TNKS2: variants seen among roughly 807,000 people sequenced by gnomAD.
The protein encoded by TNKS2 is tankyrase 2.
In TNKS2, 72 loss-of-function variants were observed where a neutral mutation model predicts 137.6. The ratio of observed to expected loss-of-function variants is 0.52; its 90% CI spans 0.43 to 0.64. The LOEUF (loss-of-function observed/expected upper bound fraction) is 0.64. Among genes scored for constraint, TNKS2 ranks in the 30% least tolerant of loss-of-function variants. The pLI is 0.00. For synonymous variants in TNKS2, 516 were observed against 512.1 expected (o/e 1.01, Z -0.10); for missense variants, 1,049 against 1,410.2 (o/e 0.74, Z 4.10).
At position 91,851,230 on chromosome 10, in the gene TNKS2, A is replaced by T; in HGVS notation, c.2709A>T (p.Val903=). Residue 903 remains valine, a synonymous_variant, in exon 21 of 27, where the codon GTA becomes GTT. Transcript: ENST00000371627. ...IFEREQITLD[V]LVEMGHKELK... ...TCTTTTGTAAGATCACTTTGGATGTATTAGTTGAGATGGGGCACAAGGAGC... is the reference window on the plus strand; with the variant it reads ...TCTTTTGTAAGATCACTTTGGATGTTTTAGTTGAGATGGGGCACAAGGAGC... 6.2e-7 allele frequency: 1 copy of T among 1,613,712 alleles called. No homozygotes were observed. Among genetic ancestry groups the T allele is most frequent in the East Asian group, 2.2e-5 (1 of 44,810 alleles).
At chr10:91,806,042 C>CTTTT (rs34004456) in intron 1 of TNKS2, among the ~76,000 whole-genome samples, 2 of 130,056 alleles carry the variant, frequency 1.5e-5, no homozygotes, top group African/African-American at 2.8e-5. Flanking sequence ...CATTCTTTCT[C>CTTTT]TTTTTTTTTT....
At chr10:91,821,195 G>A (rs765679720) in intron 6 of TNKS2, among the ~76,000 whole-genome samples, 100 of 152,152 alleles carry the variant, frequency 6.6e-4, no homozygotes, top group Admixed American at 9.8e-4. Flanking sequence ...ACACCACCAC[G>A]CCTGGCTAAT....
In TNKS2 at chr10:91,842,152, T is replaced by TC; in HGVS notation, c.1840-19dup. The TC allele has an allele frequency of 1.3e-6, 2 of 1,573,666 alleles. No homozygotes were observed. The highest frequency in any genetic ancestry group is 2.3e-5 in the South Asian group (2 of 87,834). ...CATTTAAGCCATTTCCCCCTTTTTT[T>TC]CTGTTTTTCACATGCCTAGCATGGT... On this transcript the variant is annotated intron_variant, in intron 15 of 26. Coordinates refer to ENST00000371627, the MANE Select transcript of TNKS2 (RefSeq NM_025235.4).
At position 91,842,320 on chromosome 10, in the gene TNKS2, A is replaced by T; in HGVS notation, c.1988A>T (p.Lys663Met). The change falls in exon 16 of 27, where the codon AAG (lysine) becomes ATG (methionine). Residue 663 changes from lysine (K) to methionine (M), a missense_variant. Around this residue, in one of 6 missense-constraint regions of TNKS2, gnomAD observed 328 missense variants for 436.0 expected, o/e 0.75. Coordinates refer to ENST00000371627, the MANE Select transcript of TNKS2 (RefSeq NM_025235.4). Reference protein sequence around the residue: ...AKKGCLARVKKLSSPDNVNCR... With the variant: ...AKKGCLARVKMLSSPDNVNCR... ...AAGGGTTGTTTAGCCAGAGTGAAGA[A>T]GTTGTCTTCTCCTGATAATGTAAAT... 6.2e-7 allele frequency: 1 copy of T among 1,614,164 alleles called. No homozygotes were observed. Among genetic ancestry groups the T allele is most frequent in the African/African-American group, 1.3e-5 (1 of 75,056 alleles).
intron 1 of TNKS2, among the ~76,000 whole-genome samples, chr10:91,799,535 A>T (rs568440655): frequency 6.6e-6 from 1 of 152,370 alleles, no homozygotes; most frequent in East Asian, 1.9e-4. Context: ...AAGTGGTAGT[A>T]TAAGAGAAAA....
At chr10:91,804,635 C>T (rs55649764) in intron 1 of TNKS2, among the ~76,000 whole-genome samples, 179 of 152,288 alleles carry the variant, frequency 1.2e-3, no homozygotes, top group Non-Finnish European at 2.1e-3. Flanking sequence ...AGAATATACC[C>T]TGCAGAGCAT....
At chr10:91,836,861 CT>C (rs763367034) in intron 12 of TNKS2, 57 bp from the exon 13 acceptor site, 3 of 1,567,612 alleles carry the variant, frequency 1.9e-6, no homozygotes, top group Non-Finnish European at 1.7e-6. Context: ...TTCCATAAAG[CT>C]TGGTTCCATC....
chr10:91,816,613 G>T (rs570756880), intron 2 of TNKS2, among the ~76,000 whole-genome samples: 16 of 151,628 alleles, frequency 1.1e-4, no homozygotes, highest in African/African-American at 3.9e-4. Flanking sequence ...TGACCTTACA[G>T]AATTTATTGA....
intron 21 of TNKS2, among the ~76,000 whole-genome samples, 160 bp downstream of exon 21, chr10:91,851,496 T>C (rs1271043410): frequency 6.6e-6 from 1 of 152,232 alleles, no homozygotes; most frequent in East Asian, 1.9e-4. Context: ...GCTGTGCTAC[T>C]GACTTAAACT....
intron 21 of TNKS2, among the ~76,000 whole-genome samples, chr10:91,852,645 G>A (rs924538544): frequency 2.6e-5 from 4 of 152,224 alleles, no homozygotes; most frequent in Non-Finnish European, 5.9e-5. Flanking sequence ...GATTTATCTT[G>A]GGGTCAAAAA....
intron 1 of TNKS2, among the ~76,000 whole-genome samples, chr10:91,811,916 C>T (rs1260983622): frequency 2.6e-5 from 4 of 152,032 alleles, no homozygotes; most frequent in Non-Finnish European, 5.9e-5. Flanking sequence ...AAAAATTAGC[C>T]AAGCATGGTG....
At chr10:91,813,403 A>T (rs1001741159) in intron 2 of TNKS2, among the ~76,000 whole-genome samples, 196 bp downstream of exon 2, 1 of 152,224 alleles carries the variant, frequency 6.6e-6, no homozygotes, top group African/African-American at 2.4e-5. Flanking sequence ...TGGAGAATGG[A>T]CTACAAAGTG....
At chr10:91,834,783 A>T (rs1841944608) in intron 12 of TNKS2, among the ~76,000 whole-genome samples, 1 of 152,174 alleles carries the variant, frequency 6.6e-6, no homozygotes, top group Non-Finnish European at 1.5e-5. Flanking sequence ...CTTCCCCCAT[A>T]CATCACACAT....
chr10:91,815,126 C>T (rs896271497), intron 2 of TNKS2, among the ~76,000 whole-genome samples: 1 of 152,188 alleles, frequency 6.6e-6, no homozygotes, highest in African/African-American at 2.4e-5. Flanking sequence ...TCATTGCCAC[C>T]TTAACTCCAT....
intron 1 of TNKS2, among the ~76,000 whole-genome samples, chr10:91,811,116 G>A (rs950205787): frequency 6.6e-6 from 1 of 151,154 alleles, no homozygotes; most frequent in Non-Finnish European, 1.5e-5. Context: ...AGTAGAGACT[G>A]GGTTTCACCA....
intron 21 of TNKS2, 99 bp from the exon 22 acceptor site, chr10:91,854,930 T>TAAAAAAAAAAAAAAAAAAG (rs1842658164): frequency 2.0e-6 from 1 of 503,050 alleles, no homozygotes; most frequent in Admixed American, 3.7e-5. Flanking sequence ...AAAAAAAAAA[T>TAAAAAAAAAAAAAAAAAAG]TGGTAGTAAG....
At chr10:91,812,594 A>T (rs569853389) in intron 1 of TNKS2, 2 of 176,352 alleles carry the variant, frequency 1.1e-5, no homozygotes, top group East Asian at 3.8e-4. Flanking sequence ...TCACTGTATC[A>T]TAAGGTTGTG....
Position 91,849,602 on chromosome 10 carries a change from G to A in TNKS2, c.2694+8G>A, listed in dbSNP as rs762707936. The A allele has an allele frequency of 1.3e-6, 2 of 1,587,806 alleles. No individual in the cohort carries two copies. Among genetic ancestry groups the A allele is most frequent in the Admixed American group, 3.6e-5 (2 of 54,938 alleles). ...ATATTTGAGAGAGAACAGGTGAGTA[G>A]ATAAATCATATTGTTTGGATTAGTG... On this transcript the variant is annotated splice_region_variant and intron_variant, in intron 20 of 26. Transcript: ENST00000371627.
chr10:91,808,599 G>T (rs1320633743), intron 1 of TNKS2, among the ~76,000 whole-genome samples: 2 of 152,158 alleles, frequency 1.3e-5, no homozygotes, highest in Non-Finnish European at 2.9e-5. Context: ...GATAGTGGTT[G>T]GAGTAAGGTA....
Sources: gnomAD v4.1 joint callset for allele counts (sites outside exome capture counted in the v4.1 genomes callset) on GRCh38, gnomAD v4.1.1 for gene constraint, gnomAD v4.1.1 regional missense constraint, MANE v1.5 for transcripts, NCBI Gene and HGNC (gene_info 2026-07-23, HGNC 2026-07-21) for gene names.